ZNF610: variants seen among roughly 807,000 people sequenced by gnomAD.
ZNF610 encodes the protein zink finger protein.
Under a neutral mutation model 14.1 loss-of-function variants are expected in ZNF610, and 14 were observed. That is an observed-to-expected ratio of 0.99 (90% CI 0.65 to 1.55). The LOEUF (loss-of-function observed/expected upper bound fraction) is 1.55, where lower values mean the gene tolerates loss of function less well. Ranked by LOEUF, ZNF610 falls within the 40% of genes most tolerant of loss-of-function variation. The pLI is 0.00. For synonymous variants in ZNF610, 185 were observed against 187.6 expected (o/e 0.99, Z 0.11); for missense variants, 530 against 558.0 (o/e 0.95, Z 0.51).
chr19:52,341,238 T>TGGG (rs1984676897), intron 1 of ZNF610, among the ~76,000 whole-genome samples: 2 of 152,236 alleles, frequency 1.3e-5, no homozygotes, highest in Non-Finnish European at 2.9e-5. Flanking sequence ...CCAATCAAGT[T>TGGG]ATCGCATCCA....
At chr19:52,332,509 T>A (rs532612624), upstream of ZNF610, among the ~76,000 whole-genome samples, 3 of 152,338 alleles carry the variant, frequency 2.0e-5, no homozygotes, top group Admixed American at 6.5e-5. This position sits in a 1 kb window ranked among gnomAD's most constrained non-coding sequence, Gnocchi z 4.1. Context: ...TCTGAAAGAA[T>A]ATGTTGCTCT....
upstream of ZNF610, among the ~76,000 whole-genome samples, chr19:52,334,492 A>G (rs1304089867): frequency 6.9e-6 from 1 of 144,362 alleles, no homozygotes; most frequent in African/African-American, 2.6e-5. Flanking sequence ...CAGCATGGGT[A>G]TTGGAGTGAG....
chr19:52,334,936 A>ACACACACACACACACACACACACAC (rs1984299564), upstream of ZNF610, among the ~76,000 whole-genome samples: 8 of 41,528 alleles, frequency 1.9e-4, no homozygotes, highest in Non-Finnish European at 3.0e-4. Context: ...CTCAAAAACA[A>ACACACACACACACACACACACACAC]ACACACACAC....
At chr19:52,358,277 G>A (rs886635800) in intron 5 of ZNF610, among the ~76,000 whole-genome samples, 20 of 152,218 alleles carry the variant, frequency 1.3e-4, no homozygotes, top group South Asian at 1.2e-3. Context: ...TCTGCCTCCC[G>A]GGTTCAAGCG....
chr19:52,339,444 G>GTATT (rs777555227), intron 1 of ZNF610, among the ~76,000 whole-genome samples: 16 of 146,348 alleles, frequency 1.1e-4, no homozygotes, highest in Non-Finnish European at 2.1e-4. Context: ...CTTCCACAGT[G>GTATT]TATTGTGTCC....
Position 52,357,557 on chromosome 19 carries a change from A to G in ZNF610, c.319+3178A>G, listed in dbSNP as rs144645394. 4.4e-3 allele frequency among the ~76,000 whole-genome samples: 657 copies of G among 148,760 alleles called. 3 individuals are homozygous for G. Among genetic ancestry groups the G allele is most frequent in the Non-Finnish European group, 6.9e-3 (464 of 67,366 alleles). On this transcript the variant is annotated intron_variant, in intron 5 of 5. Coordinates refer to ENST00000403906, the MANE Select transcript of ZNF610 (RefSeq NM_001161425.2). ...CTACTTGGGAGGCTGAGCCCGGAGA[A>G]TGGCCTGAACCCGGGAGGCGGAGCT... is the stretch of plus-strand genomic sequence containing the variant.
At chr19:52,333,218 G>A (rs1009206511), upstream of ZNF610, among the ~76,000 whole-genome samples, 7 of 152,198 alleles carry the variant, frequency 4.6e-5, no homozygotes, top group African/African-American at 1.7e-4. Context: ...GCAATCAGGT[G>A]TATGTTTATA....
rs973605008 is a variant in ZNF610, at chr19:52,366,181, T to A, written c.803T>A (p.Val268Glu). The part of the protein sequence containing the change: ...KPYKCSECDK[V>E]FNRNSNLARH... ...TACAAATGTAGTGAATGTGACAAGG[T>A]GTTTAATCGCAATTCAAACCTTGCA... The change falls in exon 6 of 6, where the codon GTG becomes GAG. Residue 268 changes from valine (V) to glutamate (E), a missense_variant. Coordinates refer to ENST00000403906, the MANE Select transcript of ZNF610 (RefSeq NM_001161425.2). The A allele has an allele frequency of 6.2e-7, 1 of 1,613,668 alleles. No homozygotes were observed. The highest frequency in any genetic ancestry group is 8.5e-7 in the Non-Finnish European group (1 of 1,179,712).
chr19:52,345,871 A>G (rs968888125), intron 1 of ZNF610, among the ~76,000 whole-genome samples: 3 of 147,840 alleles, frequency 2.0e-5, no homozygotes, highest in Admixed American at 1.3e-4. Context: ...CGCCCAGCTA[A>G]TTTTTTGTAT....
intron 5 of ZNF610, among the ~76,000 whole-genome samples, chr19:52,356,207 C>T (rs527265432): frequency 6.6e-6 from 1 of 152,314 alleles, no homozygotes; most frequent in Admixed American, 6.5e-5. Flanking sequence ...TTCAGTTGTG[C>T]TTCATCCACA....
intron 4 of ZNF610, 72 bp from the exon 5 acceptor site, chr19:52,354,179 C>G (rs1985405213): frequency 1.3e-6 from 2 of 1,586,456 alleles, no homozygotes; most frequent in Middle Eastern, 3.8e-4. Flanking sequence ...GATATCCCCT[C>G]TCTTACCTAA....
At chr19:52,349,344 T>C (rs2122214481) in intron 3 of ZNF610, 109 bp downstream of exon 3, 1 of 1,366,994 alleles carries the variant, frequency 7.3e-7, no homozygotes, top group Non-Finnish European at 1.0e-6. Context: ...CTCAGTCCCT[T>C]TCATCTCGCT....
chr19:52,360,730 A>G (rs1232303895), intron 5 of ZNF610, among the ~76,000 whole-genome samples: 1 of 152,208 alleles, frequency 6.6e-6, no homozygotes, highest in Non-Finnish European at 1.5e-5. Flanking sequence ...CCTAAGTTGC[A>G]ACATCGTTGC....
At chr19:52,354,174 C>T in intron 4 of ZNF610, 77 bp from the exon 5 acceptor site, 4 of 1,571,632 alleles carry the variant, frequency 2.5e-6, no homozygotes, top group Non-Finnish European at 3.5e-6. Flanking sequence ...TTTGCGATAT[C>T]CCCTCTCTTA....
rs754298844 is a variant in ZNF610 at position 52,355,040 on chromosome 19, G to A, written c.319+661G>A. On this transcript the variant is annotated intron_variant, in intron 5 of 5. Transcript: ENST00000403906. ...GTGATAGTTTCATCTTTTCACCCTC[G>A]AGTGGTGTTGCCACCCAGAGACAAA... is the stretch of plus-strand genomic sequence containing the variant. Among the ~76,000 whole-genome samples, 5 of 152,198 alleles carry A rather than the reference G, an allele frequency of 3.3e-5. No individual in the cohort carries two copies. The South Asian group carries it at 8.3e-4, about 25-fold the overall frequency.
chr19:52,348,697 T>A (rs1476965718), intron 2 of ZNF610, among the ~76,000 whole-genome samples: 1 of 152,232 alleles, frequency 6.6e-6, no homozygotes, highest in Non-Finnish European at 1.5e-5. Flanking sequence ...TGTTTGAGGT[T>A]CCAGGCATCC....
At chr19:52,339,520 A>G (rs1984567091) in intron 1 of ZNF610, among the ~76,000 whole-genome samples, 1 of 152,142 alleles carries the variant, frequency 6.6e-6, no homozygotes, top group African/African-American at 2.4e-5. Context: ...AGCGCTTTTT[A>G]ACAAAGCACA....
At chr19:52,331,630 A>G (rs1472223070), upstream of ZNF610, among the ~76,000 whole-genome samples, 1 of 152,200 alleles carries the variant, frequency 6.6e-6, no homozygotes, top group Non-Finnish European at 1.5e-5. Flanking sequence ...GCTGAGGGAC[A>G]TGTCTCCCTT....
chr19:52,352,299 C>CA (rs1985294896), intron 3 of ZNF610, among the ~76,000 whole-genome samples: 1 of 151,806 alleles, frequency 6.6e-6, no homozygotes, highest in Non-Finnish European at 1.5e-5. Context: ...AGTGCAATGG[C>CA]GTGATCTCGG....
Sources: allele counts gnomAD v4.1 joint callset (sites outside exome capture counted in the v4.1 genomes callset), GRCh38; gene constraint gnomAD v4.1.1; non-coding constraint Gnocchi (gnomAD v3.1); transcripts MANE v1.5; gene names NCBI Gene and HGNC (gene_info 2026-07-23, HGNC 2026-07-21).